The following STK26 variants were observed in gnomAD, a reference collection of about 807,000 sequenced individuals.
STK26 encodes the protein serine/threonine kinase 26.
STK26 carries 14 observed loss-of-function variants against 34.7 expected under a neutral mutation model. The observed-to-expected ratio is 0.40, with a 90% CI of 0.27 to 0.63. STK26 has a LOEUF of 0.63. Among genes scored for constraint, STK26 ranks in the 30% least tolerant of loss-of-function variants. The pLI, the probability that STK26 is intolerant of heterozygous loss-of-function variation, is 0.38. For synonymous variants in STK26, 100 were observed against 109.8 expected, an observed-to-expected ratio of 0.91 and a Z score of 0.56; for missense variants, 226 against 309.1, an observed-to-expected ratio of 0.73 and a Z score of 2.02.
intron 2 of STK26, among the ~76,000 whole-genome samples, chrX:132,037,400 C>T (rs1926091952): frequency 1.8e-5 from 2 of 111,669 alleles, no homozygotes; most frequent in Non-Finnish European, 3.8e-5. Flanking sequence ...TAATGAAATT[C>T]AATACCAATA....
intron 2 of STK26, among the ~76,000 whole-genome samples, chrX:132,041,295 G>A (rs1209296362): frequency 9.0e-6 from 1 of 111,125 alleles, no homozygotes; most frequent in Non-Finnish European, 1.9e-5. Flanking sequence ...GTGTAAATAA[G>A]GGAAAGAAAG....
intron 7 of STK26, among the ~76,000 whole-genome samples, chrX:132,070,339 A>C (rs1251684846): frequency 9.0e-6 from 1 of 111,682 alleles, no homozygotes; most frequent in Non-Finnish European, 1.9e-5. Flanking sequence ...GCCAGGTTTA[A>C]CTATTTTTAT....
rs148656997 is a variant in STK26 at position 132,041,761 on chromosome X, A to G, written c.43-12870A>G. Among the ~76,000 whole-genome samples the G allele has an allele frequency of 4.4e-3, 485 of 111,103 alleles. 5 individuals are homozygous for G. The highest frequency in any genetic ancestry group is 0.015 in the African/African-American group (453 of 30,602). On this transcript the variant is annotated intron_variant, in intron 2 of 11. Coordinates refer to ENST00000394334, the MANE Select transcript of STK26 (RefSeq NM_016542.4). ...ATAGCATTTTTTTTTAAGGAAAAAG[A>G]TCAACTTTTGTATATGTATTCAGAT...
At chrX:132,040,916 A>G (rs1181374221) in intron 2 of STK26, among the ~76,000 whole-genome samples, 1 of 112,147 alleles carries the variant, frequency 8.9e-6, no homozygotes, top group African/African-American at 3.2e-5. Flanking sequence ...TAAAACACGT[A>G]TTGGTATGTC....
chrX:132,069,408 CACATATATAT>C (rs1218247148), intron 6 of STK26, 60 bp from the exon 7 acceptor site: 20 of 124,330 alleles, frequency 1.6e-4, no homozygotes, highest in African/African-American at 1.3e-3. Flanking sequence ...TACATACATA[CACATATATAT>C]ATATATATAT....
chrX:132,040,436 T>C (rs1926222136), intron 2 of STK26, among the ~76,000 whole-genome samples: 1 of 112,431 alleles, frequency 8.9e-6, no homozygotes, highest in African/African-American at 3.2e-5. Flanking sequence ...TATGTTTCTG[T>C]TTGCTTTTTA....
At chrX:132,055,157 C>T (rs1287128606) in intron 3 of STK26, among the ~76,000 whole-genome samples, 1 of 112,117 alleles carries the variant, frequency 8.9e-6, no homozygotes, top group Non-Finnish European at 1.9e-5. Context: ...AGCTATCCCC[C>T]TGGGTTTCCA....
intron 3 of STK26, among the ~76,000 whole-genome samples, chrX:132,059,215 C>G (rs1926967059): frequency 1.8e-5 from 2 of 111,555 alleles, no homozygotes; most frequent in African/African-American, 6.5e-5. Flanking sequence ...GCCCATTGTT[C>G]CATTTCAGGT....
chrX:132,033,913 C>G lies in STK26; in HGVS notation c.42+10254C>G, dbSNP rs148185313. The stretch of plus-strand genomic sequence containing the variant: ...TAGAATCTGATGTAGAAGCATCCAT[C>G]CCAAGGAAGACTGGAGTAAGAAAGG... On this transcript the variant is annotated intron_variant, in intron 2 of 11. Coordinates refer to ENST00000394334, the MANE Select transcript of STK26 (RefSeq NM_016542.4). Among the ~76,000 whole-genome samples, 323 of 109,703 alleles carry G rather than the reference C, an allele frequency of 2.9e-3. 2 individuals carry two copies. The highest frequency in any genetic ancestry group is 1.0e-2 in the African/African-American group (302 of 30,206).
chrX:132,023,374 G>A lies in STK26; in HGVS notation c.-144G>A, dbSNP rs766479763. ...TTCAGGAAGAGGAGCAGCAGCGGAG[G>A]CGGCTGCTTCAGCGGCGGGCGGGCG... On this transcript the variant is annotated 5_prime_UTR_variant, in exon 1 of 12. Transcript: ENST00000394334. 7.6e-6 allele frequency: 4 copies of A among 528,342 alleles called. No homozygotes were observed. The Admixed American group carries it at 9.1e-5, about 12-fold the overall frequency. The allele number at this position is 528,342 out of a possible 1,213,427, so 43.5% of individuals were successfully genotyped here.
rs555005057 is a variant in STK26, at chrX:132,039,584, T to G, written c.43-15047T>G. Reference sequence around the variant, plus strand: ...CAGCATACACGCAACATTTTATATATTGAAGGGATCAGGTACTCATTCCAG... The same window carrying G: ...CAGCATACACGCAACATTTTATATAGTGAAGGGATCAGGTACTCATTCCAG... On this transcript the variant is annotated intron_variant, in intron 2 of 11. Transcript: ENST00000394334. Among the ~76,000 whole-genome samples, 18 of 111,893 alleles carry G rather than the reference T, an allele frequency of 1.6e-4. No homozygotes were observed. The South Asian group carries it at 6.3e-3, about 39-fold the overall frequency.
intron 2 of STK26, among the ~76,000 whole-genome samples, chrX:132,032,715 C>T: frequency 9.0e-6 from 1 of 110,972 alleles, no homozygotes; most frequent in Non-Finnish European, 1.9e-5. Context: ...GGTGTCTAGC[C>T]AAAGAATTAA....
chrX:132,063,379 G>A, intron 3 of STK26, 54 bp from the exon 4 acceptor site: 1 of 1,023,139 alleles, frequency 9.8e-7, no homozygotes, highest in East Asian at 3.1e-5. Flanking sequence ...ATTTTTGCTA[G>A]TATGTTATTT....
At chrX:132,023,700 T>C (rs1161840955) in intron 2 of STK26, 41 bp downstream of exon 2, 2 of 1,163,498 alleles carry the variant, frequency 1.7e-6, no homozygotes, top group Non-Finnish European at 2.3e-6. Flanking sequence ...ACGTGACTGC[T>C]TGGGAGCCCG....
At chrX:132,066,594 C>T (rs181745913) in intron 4 of STK26, among the ~76,000 whole-genome samples, 1 of 112,064 alleles carries the variant, frequency 8.9e-6, no homozygotes, top group East Asian at 2.8e-4. Context: ...GTCTTTCTTC[C>T]CATCCTCCTC....
At chrX:132,060,498 T>C (rs770905666) in intron 3 of STK26, among the ~76,000 whole-genome samples, 1 of 111,943 alleles carries the variant, frequency 8.9e-6, no homozygotes, top group Non-Finnish European at 1.9e-5. Flanking sequence ...CAAAATATAC[T>C]TAACACTAAA....
At chrX:132,068,796 C>T (rs1467677765) in intron 6 of STK26, among the ~76,000 whole-genome samples, 1 of 110,692 alleles carries the variant, frequency 9.0e-6, no homozygotes, top group African/African-American at 3.3e-5. Context: ...ATCCTAAGTC[C>T]TTTCTGTGAC....
chrX:132,055,889 C>G (rs1348301790), intron 3 of STK26, among the ~76,000 whole-genome samples: 1 of 112,185 alleles, frequency 8.9e-6, no homozygotes, highest in African/African-American at 3.2e-5. Flanking sequence ...TACGAAATAA[C>G]CTGTCTTCAA....
At chrX:132,066,486 G>A (rs1927227437) in intron 4 of STK26, among the ~76,000 whole-genome samples, 1 of 111,787 alleles carries the variant, frequency 8.9e-6, no homozygotes, top group Non-Finnish European at 1.9e-5. Flanking sequence ...CACAAGGCAA[G>A]TACACTGCCC....
Sources: allele counts gnomAD v4.1 joint callset (sites outside exome capture counted in the v4.1 genomes callset), GRCh38; gene constraint gnomAD v4.1.1; transcripts MANE v1.5; gene names NCBI Gene and HGNC (gene_info 2026-07-23, HGNC 2026-07-21).